Variants in PLS1 observed in about 807,000 individuals in gnomAD.
PLS1 encodes plastin 1, also known as plastin-1.
A neutral mutation model predicts 73.7 loss-of-function variants in PLS1; 32 were observed. The ratio of observed to expected loss-of-function variants is 0.43; its 90% CI spans 0.33 to 0.58. The LOEUF (loss-of-function observed/expected upper bound fraction) is 0.58. Among genes scored for constraint, PLS1 ranks in the 20% least tolerant of loss-of-function variants. The probability of loss-of-function intolerance (pLI) is 0.04; values close to 1 mark genes in which losing one functional copy is unlikely to be tolerated. For synonymous variants in PLS1, 217 were observed against 261.3 expected, an observed-to-expected ratio of 0.83 and a Z score of 1.63; for missense variants, 633 against 740.5, an observed-to-expected ratio of 0.85 and a Z score of 1.68.
intron 12 of PLS1, 81 bp from the exon 13 acceptor site, chr3:142,703,787 C>A: frequency 1.2e-6 from 1 of 836,220 alleles, no homozygotes; most frequent in Non-Finnish European, 1.9e-6. Flanking sequence ...AATTGTTTTT[C>A]AGATGGCTGA....
intron 1 of PLS1, among the ~76,000 whole-genome samples, chr3:142,618,847 C>T (rs981799768): frequency 6.6e-6 from 1 of 152,154 alleles, no homozygotes; most frequent in Non-Finnish European, 1.5e-5. Context: ...CAATCTGCCT[C>T]ATCTCAAGGC....
At chr3:142,704,031 G>A in intron 13 of PLS1, 30 bp downstream of exon 13, 1 of 1,595,168 alleles carries the variant, frequency 6.3e-7, no homozygotes, top group Non-Finnish European at 8.6e-7. Context: ...TAGCAACACT[G>A]CCTGTTTCCT....
chr3:142,684,400 A>G lies in PLS1; in HGVS notation c.888+5A>G, dbSNP rs73002070. 6,304 of 1,608,762 alleles carry G rather than the reference A, an allele frequency of 3.9e-3. 214 individuals carry two copies. The African/African-American group carries it at 0.075, about 19-fold the overall frequency. On this transcript the variant is annotated splice_donor_5th_base_variant and intron_variant, in intron 8 of 15. Transcript: ENST00000457734. ...AACTTCAGCCAAGACATTAAGGTTT[A>G]TATTTAAATGTTCAAATTTGTGACA...
chr3:142,684,375 A>T lies in PLS1; in HGVS notation c.868A>T (p.Asn290Tyr). Reference protein sequence around the residue: ...LTNAGWHTISNFSQDIKDSRA... With the variant: ...LTNAGWHTISYFSQDIKDSRA... ...CAATGCAGGATGGCATACCATCAGC[A>T]ACTTCAGCCAAGACATTAAGGTTTA... The change falls in exon 8 of 16, where the codon AAC (asparagine) becomes TAC (tyrosine). Residue 290 changes from asparagine to tyrosine, a missense_variant. Transcript: ENST00000457734. The T allele has an allele frequency of 6.2e-7, 1 of 1,613,744 alleles. No homozygotes were observed. The highest frequency in any genetic ancestry group is 8.5e-7 in the Non-Finnish European group (1 of 1,179,694).
chr3:142,624,011 A>G (rs2036367528), intron 1 of PLS1, among the ~76,000 whole-genome samples: 1 of 152,106 alleles, frequency 6.6e-6, no homozygotes, highest in Admixed American at 6.6e-5. Flanking sequence ...AGTCTGATGG[A>G]AACAGCTCTT....
intron 12 of PLS1, among the ~76,000 whole-genome samples, chr3:142,699,818 A>G (rs1321707903): frequency 6.6e-6 from 1 of 152,224 alleles, no homozygotes; most frequent in Non-Finnish European, 1.5e-5. Context: ...ATACATCATA[A>G]TATTAAAGTA....
At chr3:142,638,782 C>T (rs2036764876) in intron 1 of PLS1, among the ~76,000 whole-genome samples, 1 of 151,652 alleles carries the variant, frequency 6.6e-6, no homozygotes, top group Non-Finnish European at 1.5e-5. Context: ...GCTCTTGTTG[C>T]ACAGGCTAGA....
At chr3:142,655,183 T>C (rs1464427334) in intron 1 of PLS1, among the ~76,000 whole-genome samples, 1 of 152,030 alleles carries the variant, frequency 6.6e-6, no homozygotes, top group Non-Finnish European at 1.5e-5. Flanking sequence ...ATGAAGACAC[T>C]GAGCAAAGGA....
At chr3:142,677,612 C>T (rs951845092) in intron 5 of PLS1, among the ~76,000 whole-genome samples, 1 of 151,816 alleles carries the variant, frequency 6.6e-6, no homozygotes, top group Non-Finnish European at 1.5e-5. Flanking sequence ...CCACTGCATT[C>T]CAGCCTGGGT....
At position 142,712,084 on chromosome 3, in the gene PLS1, G is replaced by A; in HGVS notation, c.*77G>A. The A allele has an allele frequency of 3.9e-6, 5 of 1,277,724 alleles. No homozygotes were observed. The highest frequency in any genetic ancestry group is 5.6e-6 in the Non-Finnish European group (5 of 885,762). 79.1% of individuals were successfully genotyped at this position (1,277,724 alleles called of 1,614,324 possible). On this transcript the variant is annotated 3_prime_UTR_variant, in exon 16 of 16. Transcript: ENST00000457734. ...TACAGGATTCTGAAATGTAGTGGGT[G>A]TAAAACCAGAGATTATTTGTATGCT... is the stretch of plus-strand genomic sequence containing the variant.
intron 1 of PLS1, among the ~76,000 whole-genome samples, chr3:142,660,868 T>C (rs1021467003): frequency 3.9e-5 from 6 of 152,218 alleles, no homozygotes; most frequent in African/African-American, 1.4e-4. Context: ...AAAAACATTT[T>C]ATGTAATTAA....
At chr3:142,621,004 G>A (rs1273363040) in intron 1 of PLS1, among the ~76,000 whole-genome samples, 5 of 152,118 alleles carry the variant, frequency 3.3e-5, no homozygotes, top group Non-Finnish European at 5.9e-5. Context: ...GGGTGACAGA[G>A]TGAGACTCTG....
intron 1 of PLS1, among the ~76,000 whole-genome samples, chr3:142,606,710 G>T (rs1428755086): frequency 1.3e-5 from 2 of 152,102 alleles, no homozygotes; most frequent in Non-Finnish European, 2.9e-5. Context: ...GTGGCCTTTT[G>T]CGTCTGGCTT....
rs1370807318 is a variant in PLS1, at chr3:142,644,075, G to A, written c.-36-20127G>A. Reference sequence around the variant, plus strand: ...ACTCCTGACCTTAGGTGATCCTCCCGCCTCAGTCTCCCAAAGTGTTGGGAT... The same window carrying A: ...ACTCCTGACCTTAGGTGATCCTCCCACCTCAGTCTCCCAAAGTGTTGGGAT... On this transcript the variant is annotated intron_variant, in intron 1 of 15. Transcript: ENST00000457734. 3.3e-5 allele frequency among the ~76,000 whole-genome samples: 5 copies of A among 151,912 alleles called. No individual in the cohort carries two copies. In the East Asian group the frequency reaches 7.7e-4, roughly 23 times the overall value.
intron 8 of PLS1, 87 bp from the exon 9 acceptor site, chr3:142,686,197 A>G: frequency 1.3e-6 from 1 of 785,534 alleles, no homozygotes; most frequent in Non-Finnish European, 2.2e-6. Context: ...GATAGAGGCA[A>G]TTTCTTCAGT....
At chr3:142,608,678 A>G (rs916553580) in intron 1 of PLS1, among the ~76,000 whole-genome samples, 1 of 152,212 alleles carries the variant, frequency 6.6e-6, no homozygotes, top group South Asian at 2.1e-4. Context: ...CACAGGCTTG[A>G]GTCCTTATCT....
chr3:142,632,313 C>T (rs2036583259), intron 1 of PLS1, among the ~76,000 whole-genome samples: 1 of 152,124 alleles, frequency 6.6e-6, no homozygotes, highest in South Asian at 2.1e-4. Flanking sequence ...TATAACATGA[C>T]TGTAAGTTGA....
chr3:142,610,696 T>C (rs1157035387), intron 1 of PLS1, among the ~76,000 whole-genome samples: 2 of 152,166 alleles, frequency 1.3e-5, no homozygotes, highest in African/African-American at 2.4e-5. Context: ...ATTAGAATGA[T>C]AGGATGACAA....
In PLS1 at chr3:142,659,283, C is replaced by CT. The variant is rs145941140; in HGVS notation, c.-36-4918dup. ...TTTCAAGTGACCTGTGACAGGGCCA[C>CT]TGTGGAAGATGGGAAAATAGAATAG... On this transcript the variant is annotated intron_variant, in intron 1 of 15. Transcript: ENST00000457734. Among the ~76,000 whole-genome samples, 1,479 of 152,250 alleles carry CT rather than the reference C, an allele frequency of 9.7e-3. 10 individuals are homozygous for CT. The highest frequency in any genetic ancestry group is 0.016 in the Non-Finnish European group (1,072 of 68,012).
Sources: gnomAD v4.1 joint callset for allele counts (sites outside exome capture counted in the v4.1 genomes callset) on GRCh38, gnomAD v4.1.1 for gene constraint, MANE v1.5 for transcripts, NCBI Gene and HGNC (gene_info 2026-07-23, HGNC 2026-07-21) for gene names.